The following CSRNP3 variants were observed in gnomAD, a reference collection of about 807,000 sequenced individuals.
The protein encoded by CSRNP3 is cysteine and serine rich nuclear protein 3.
A neutral mutation model predicts 48.0 loss-of-function variants in CSRNP3; 12 were observed. That is an observed-to-expected ratio of 0.25 (90% confidence interval 0.16 to 0.41). The LOEUF is 0.41. Among genes scored for constraint, CSRNP3 ranks in the 10% least tolerant of loss-of-function variants. CSRNP3 has a pLI of 1.00. For synonymous variants in CSRNP3, 263 were observed against 269.7 expected, an observed-to-expected ratio of 0.98 and a Z score of 0.24; for missense variants, 580 against 724.4, an observed-to-expected ratio of 0.80 and a Z score of 2.29.
chr2:165,558,906 T>C (rs1306105118), intron 3 of CSRNP3, among the ~76,000 whole-genome samples: 2 of 152,206 alleles, frequency 1.3e-5, no homozygotes. Context: ...ATTCTCATTA[T>C]TAATCTTCCG....
At chr2:165,584,947 T>C (rs1485365887) in intron 3 of CSRNP3, among the ~76,000 whole-genome samples, 1 of 152,182 alleles carries the variant, frequency 6.6e-6, no homozygotes, top group Non-Finnish European at 1.5e-5. Context: ...AAATTTGTGT[T>C]GGGCCGCATT....
At chr2:165,584,275 G>C (rs933442679) in intron 3 of CSRNP3, among the ~76,000 whole-genome samples, 2 of 152,064 alleles carry the variant, frequency 1.3e-5, no homozygotes, top group African/African-American at 4.8e-5. Flanking sequence ...AGCTTTCTGG[G>C]AATGCAGCCC....
chr2:165,499,934 T>G (rs1479912904), intron 2 of CSRNP3, among the ~76,000 whole-genome samples: 2 of 151,830 alleles, frequency 1.3e-5, no homozygotes, highest in Non-Finnish European at 1.5e-5. Flanking sequence ...GTTATATAAT[T>G]TACAGTTCTA....
intron 3 of CSRNP3, among the ~76,000 whole-genome samples, chr2:165,547,932 A>G (rs1285100480): frequency 6.6e-6 from 1 of 152,120 alleles, no homozygotes; most frequent in Admixed American, 6.5e-5. Context: ...ATGGGTTTTT[A>G]GTACATCATT....
At chr2:165,621,691 T>G (rs1267366901) in intron 4 of CSRNP3, among the ~76,000 whole-genome samples, 1 of 152,310 alleles carries the variant, frequency 6.6e-6, no homozygotes, top group East Asian at 1.9e-4. Flanking sequence ...CCCTTTCTAT[T>G]TGTTGTTGTT....
intron 2 of CSRNP3, among the ~76,000 whole-genome samples, chr2:165,515,580 C>T (rs541434340): frequency 2.9e-4 from 44 of 151,390 alleles, no homozygotes; most frequent in Non-Finnish European, 5.0e-4. Flanking sequence ...GCAGCTTGAA[C>T]GAAATAGCAT....
intron 4 of CSRNP3, among the ~76,000 whole-genome samples, chr2:165,607,289 C>A (rs1429671106): frequency 6.6e-6 from 1 of 152,118 alleles, no homozygotes; most frequent in African/African-American, 2.4e-5. Context: ...GGCAGAAGAA[C>A]CTTGTAGCAC....
At chr2:165,558,052 A>G (rs1484596756) in intron 3 of CSRNP3, among the ~76,000 whole-genome samples, 1 of 152,220 alleles carries the variant, frequency 6.6e-6, no homozygotes, top group Admixed American at 6.5e-5. Context: ...TAAACACTAT[A>G]CAAAGAGAAG....
chr2:165,502,778 T>C (rs1358581607), intron 2 of CSRNP3, among the ~76,000 whole-genome samples: 1 of 152,022 alleles, frequency 6.6e-6, no homozygotes, highest in East Asian at 1.9e-4. Context: ...TCTCTCTCTG[T>C]GTATATATAA....
Position 165,678,882 on chromosome 2 carries a change from G to T in CSRNP3, c.887G>T (p.Ser296Ile). The change falls in exon 7 of 7, where the codon AGT becomes ATT. Residue 296 changes from serine (S) to isoleucine (I), a missense_variant. Ser to Ile is a moderately radical substitution (Grantham distance 142). Transcript: ENST00000651982. ...CTGAATGGCTGCCACAGTGAGATAA[G>T]TGCTCACAGTAGTTCTATGGGCCCT... ...PTLNGCHSEI[S>I]AHSSSMGPVA... is the part of the protein sequence containing the mutation. The T allele has an allele frequency of 2.5e-6, 4 of 1,614,004 alleles. No homozygotes were observed. The highest frequency in any genetic ancestry group is 2.5e-6 in the Non-Finnish European group (3 of 1,179,970).
chr2:165,652,305 A>G (rs1686924158), intron 4 of CSRNP3, among the ~76,000 whole-genome samples: 1 of 151,756 alleles, frequency 6.6e-6, no homozygotes, highest in Admixed American at 6.6e-5. Context: ...CGGTCAGGAG[A>G]TTGAGATCAT....
chr2:165,640,301 C>A (rs12467436), intron 4 of CSRNP3, among the ~76,000 whole-genome samples: 82,753 of 151,924 alleles, frequency 0.54, 23,897 homozygotes, highest in South Asian at 0.69. Flanking sequence ...ATGAGGTGAG[C>A]GAGACAGAAA....
rs765769025 is a variant in CSRNP3, at chr2:165,676,267, ACCCTG to A, written c.409-40_409-36del. 5.4e-6 allele frequency: 8 copies of A among 1,491,788 alleles called. No homozygotes were observed. The South Asian group carries it at 9.2e-5, about 17-fold the overall frequency. 92.4% of individuals were successfully genotyped at this position (1,491,788 alleles called of 1,614,324 possible). On this transcript the variant is annotated intron_variant, in intron 5 of 6. Transcript: ENST00000651982. ...CCCAGTACAAACATACAGATTTTGT[ACCCTG>A]CCCTTAATGAGTCTCTTATTTGCTG...
At chr2:165,547,824 A>G (rs1328642240) in intron 3 of CSRNP3, among the ~76,000 whole-genome samples, 1 of 152,148 alleles carries the variant, frequency 6.6e-6, no homozygotes, top group African/African-American at 2.4e-5. Flanking sequence ...ATAAAAAAGT[A>G]TTAAGAACAC....
In CSRNP3 at chr2:165,668,404, T is replaced by TC. The variant is rs199667401; in HGVS notation, c.409-7908_409-7907insC. 5.8e-3 allele frequency among the ~76,000 whole-genome samples: 806 copies of TC among 138,144 alleles called. 3 individuals carry two copies. The highest frequency in any genetic ancestry group is 0.021 in the African/African-American group (737 of 35,880). 90.6% of individuals were successfully genotyped at this position (138,144 alleles called of 152,430 possible). On this transcript the variant is annotated intron_variant, in intron 5 of 6. Transcript: ENST00000651982. Reference sequence around the variant, plus strand: ...CATATCCTTTCTTTCTTTCTTTCTTTTTTTTTTTTTTTTTTTTGAGACAGA... The same window carrying TC: ...CATATCCTTTCTTTCTTTCTTTCTTTCTTTTTTTTTTTTTTTTTGAGACAGA...
intron 3 of CSRNP3, among the ~76,000 whole-genome samples, chr2:165,579,921 C>CTTT (rs147087270): frequency 8.5e-4 from 60 of 70,586 alleles, no homozygotes; most frequent in Non-Finnish European, 9.5e-4. Flanking sequence ...CATGACTCTA[C>CTTT]TTTTTTTTTT....
chr2:165,587,382 T>G (rs1454884810), intron 3 of CSRNP3, among the ~76,000 whole-genome samples: 1 of 152,234 alleles, frequency 6.6e-6, no homozygotes, highest in Non-Finnish European at 1.5e-5. Context: ...TGATACTGGC[T>G]TTGAAATGCA....
At chr2:165,579,046 T>C (rs1274924930) in intron 3 of CSRNP3, among the ~76,000 whole-genome samples, 1 of 152,158 alleles carries the variant, frequency 6.6e-6, no homozygotes, top group Non-Finnish European at 1.5e-5. Context: ...TTATAGATGA[T>C]AGCTAATATT....
At chr2:165,621,512 C>T (rs1686339431) in intron 4 of CSRNP3, among the ~76,000 whole-genome samples, 1 of 152,030 alleles carries the variant, frequency 6.6e-6, no homozygotes, top group African/African-American at 2.4e-5. Flanking sequence ...AATGAGTCAG[C>T]AGAAGCAATA....
Sources: allele counts gnomAD v4.1 joint callset (sites outside exome capture counted in the v4.1 genomes callset), GRCh38; gene constraint gnomAD v4.1.1; transcripts MANE v1.5; gene names NCBI Gene and HGNC (gene_info 2026-07-23, HGNC 2026-07-21).